Variants in NINJ2 observed in about 807,000 individuals in gnomAD.
NINJ2 encodes ninjurin-2.
NINJ2 carries 12 observed loss-of-function variants against 11.7 expected under a neutral mutation model. The ratio of observed to expected loss-of-function variants is 1.02; its 90% confidence interval spans 0.66 to 1.66. The LOEUF is 1.66. Among genes scored for constraint, NINJ2 ranks in the 40% most tolerant of loss-of-function variants. The probability of loss-of-function intolerance (pLI) is 0.00; values close to 1 mark genes in which losing one functional copy is unlikely to be tolerated. For synonymous variants in NINJ2, 93 were observed against 76.8 expected, an observed-to-expected ratio of 1.21 and a Z score of -1.10; for missense variants, 187 against 181.8, an observed-to-expected ratio of 1.03 and a Z score of -0.16.
At chr12:648,988 A>ATCTGTCTGTCTGTCTG (rs10648707) in intron 1 of NINJ2, among the ~76,000 whole-genome samples, 3 of 149,932 alleles carry the variant, frequency 2.0e-5, no homozygotes, top group Non-Finnish European at 3.0e-5. Context: ...CTATCTATCT[A>ATCTGTCTGTCTGTCTG]TCTATCTGTC....
At chr12:611,540 G>A (rs534895040) in intron 1 of NINJ2, among the ~76,000 whole-genome samples, 35 of 152,338 alleles carry the variant, frequency 2.3e-4, no homozygotes, top group Middle Eastern at 3.4e-3. Flanking sequence ...GTTTCACCAT[G>A]TTGGCCAGGC....
At chr12:608,368 A>T (rs1947966501) in intron 1 of NINJ2, among the ~76,000 whole-genome samples, 1 of 152,228 alleles carries the variant, frequency 6.6e-6, no homozygotes, top group South Asian at 2.1e-4. Context: ...CTTGAATAAT[A>T]GCGAACACTT....
Position 663,426 on chromosome 12 carries a change from G to A in NINJ2, c.-66C>T, listed in dbSNP as rs778050032. 6.2e-7 allele frequency: 1 copy of A among 1,614,092 alleles called. No individual in the cohort carries two copies. The highest frequency in any genetic ancestry group is 1.1e-5 in the South Asian group (1 of 91,070). On this transcript the variant is annotated 5_prime_UTR_variant, in exon 1 of 4. Transcript: ENST00000305108. Reference sequence around the variant, plus strand: ...GAACAGACTGCGTGGGCTCCTCCAGGCTCCGCCGTCTGAGTCTCTGCTGCT... The same window carrying A: ...GAACAGACTGCGTGGGCTCCTCCAGACTCCGCCGTCTGAGTCTCTGCTGCT...
At chr12:575,145 C>T (rs560446530) in intron 1 of NINJ2, among the ~76,000 whole-genome samples, 117 of 152,354 alleles carry the variant, frequency 7.7e-4, no homozygotes, top group Non-Finnish European at 1.4e-3. Context: ...ACCCATTGGG[C>T]AGCCTCTCTC....
At chr12:608,349 A>T (rs1040402698) in intron 1 of NINJ2, among the ~76,000 whole-genome samples, 6 of 152,202 alleles carry the variant, frequency 3.9e-5, no homozygotes, top group Admixed American at 1.3e-4. Context: ...ATAAAAGCCT[A>T]ATGTTACCCT....
intron 1 of NINJ2, among the ~76,000 whole-genome samples, chr12:600,233 C>T (rs575849310): frequency 3.3e-5 from 5 of 152,000 alleles, no homozygotes; most frequent in Non-Finnish European, 5.9e-5. Flanking sequence ...GTCAAGATAA[C>T]GAGGGAAATG....
intron 1 of NINJ2, among the ~76,000 whole-genome samples, chr12:649,544 T>TATATATATATATATATAGTAGC (rs1937756937): frequency 6.8e-6 from 1 of 147,302 alleles, no homozygotes; most frequent in African/African-American, 2.5e-5. Flanking sequence ...TATATATATA[T>TATATATATATATATATAGTAGC]ATATATATAG....
rs73594225 is a variant in NINJ2, at chr12:565,813, C to T, written c.262+137G>A. Reference sequence around the variant, plus strand: ...AAGTTGGTCTTTGGGCCTCTGTTAGCGGAGGGCTCACTGCAGGTCAGCGTG... The same window carrying T: ...AAGTTGGTCTTTGGGCCTCTGTTAGTGGAGGGCTCACTGCAGGTCAGCGTG... On this transcript the variant is annotated intron_variant, in intron 2 of 3. Coordinates refer to ENST00000305108, the MANE Select transcript of NINJ2 (RefSeq NM_016533.6). 3,596 of 788,240 alleles carry T rather than the reference C, an allele frequency of 4.6e-3. 87 individuals carry two copies. In the African/African-American group the frequency reaches 0.051, roughly 11 times the overall value. 48.8% of individuals were successfully genotyped at this position (788,240 alleles called of 1,614,324 possible).
intron 1 of NINJ2, among the ~76,000 whole-genome samples, chr12:575,845 A>AC (rs1947449702): frequency 6.6e-6 from 1 of 151,818 alleles, no homozygotes; most frequent in Non-Finnish European, 1.5e-5. Flanking sequence ...GCTCTTAAAC[A>AC]CCCCCACTGC....
In NINJ2 at chr12:565,439, G is replaced by A. The variant is rs758778132; in HGVS notation, c.263-38C>T. ...GGAGTGGGGGGAAAGGGTCAGAGAC[G>A]GGGCCACAGCACGGAGCTGCCCCCA... On this transcript the variant is annotated intron_variant, in intron 2 of 3. Transcript: ENST00000305108. 20 of 1,602,476 alleles carry A rather than the reference G, an allele frequency of 1.2e-5. No homozygotes were observed. In the East Asian group the frequency reaches 1.8e-4, roughly 14 times the overall value.
At chr12:601,329 G>A (rs201481982) in intron 1 of NINJ2, among the ~76,000 whole-genome samples, 28,572 of 146,068 alleles carry the variant, frequency 0.2, 3,082 homozygotes, top group Middle Eastern at 0.36. Context: ...GGCGGATCAG[G>A]AAGTCAGGAG....
intron 1 of NINJ2, among the ~76,000 whole-genome samples, chr12:656,120 T>G (rs1565650434): frequency 6.6e-6 from 1 of 151,690 alleles, no homozygotes; most frequent in Non-Finnish European, 1.5e-5. Context: ...ATCCCAGCAC[T>G]TCGGGAGGCT....
At chr12:620,754 G>A (rs566633888) in intron 1 of NINJ2, among the ~76,000 whole-genome samples, 37 of 152,040 alleles carry the variant, frequency 2.4e-4, no homozygotes, top group Non-Finnish European at 5.0e-4. Flanking sequence ...CTCAGCCTCC[G>A]GAGTAGCTGG....
intron 1 of NINJ2, among the ~76,000 whole-genome samples, chr12:612,152 G>A (rs1310878042): frequency 7.9e-5 from 12 of 152,216 alleles, no homozygotes; most frequent in Admixed American, 7.9e-4. Context: ...GCTAGAAGGA[G>A]CTTGGGTCCC....
Position 585,271 on chromosome 12 carries a change from C to A in NINJ2, c.34-19093G>T, listed in dbSNP as rs537175356. 6.6e-6 allele frequency among the ~76,000 whole-genome samples: 1 copy of A among 152,200 alleles called. No homozygotes were observed. Among genetic ancestry groups the A allele is most frequent in the Non-Finnish European group, 1.5e-5 (1 of 68,036 alleles). On this transcript the variant is annotated intron_variant, in intron 1 of 3. Transcript: ENST00000305108. The surrounding 1 kb of genome is among the most constrained non-coding windows in gnomAD (Gnocchi z 4.1). ...GCTCTGGGGGCTCTGGGCTTCCCTGCTGCAAGCTCTTAACCCTTAGCGTGA... is the reference window on the plus strand; with the variant it reads ...GCTCTGGGGGCTCTGGGCTTCCCTGATGCAAGCTCTTAACCCTTAGCGTGA...
chr12:566,104 G>T lies in NINJ2; in HGVS notation c.108C>A (p.Ser36Arg), dbSNP rs1245455892. The change falls in exon 2 of 4, where the codon AGC (serine) becomes AGA (arginine). Residue 36 changes from serine (S) to arginine (R), a missense_variant. By Grantham distance (110) the Ser-to-Arg change is moderately radical (BLOSUM62 -1). Coordinates refer to ENST00000305108, the MANE Select transcript of NINJ2 (RefSeq NM_016533.6). ...ACATGAACAGGGCCACGTCCAGCATGCTCTCCGCCACGCTCTTCTTGGTGG... is the reference window on the plus strand; with the variant it reads ...ACATGAACAGGGCCACGTCCAGCATTCTCTCCGCCACGCTCTTCTTGGTGG... ...HYATKKSVAE[S>R]MLDVALFMSN... is the part of the protein sequence containing the mutation. The T allele has an allele frequency of 1.2e-6, 2 of 1,614,190 alleles. No individual in the cohort carries two copies. Among genetic ancestry groups the T allele is most frequent in the South Asian group, 2.2e-5 (2 of 91,074 alleles).
intron 1 of NINJ2, among the ~76,000 whole-genome samples, chr12:656,484 C>T (rs939348345): frequency 1.3e-4 from 20 of 151,908 alleles, no homozygotes; most frequent in African/African-American, 4.3e-4. Context: ...GGCATGGTGG[C>T]TCACACCTGT....
At chr12:590,137 C>T (rs1947699101) in intron 1 of NINJ2, among the ~76,000 whole-genome samples, 1 of 152,168 alleles carries the variant, frequency 6.6e-6, no homozygotes, top group South Asian at 2.1e-4. Context: ...CGGTGTCTTG[C>T]TATATTGCAC....
chr12:564,926 C>T (rs1947271692), intron 3 of NINJ2, among the ~76,000 whole-genome samples: 1 of 152,270 alleles, frequency 6.6e-6, no homozygotes, highest in Non-Finnish European at 1.5e-5. Context: ...TCCCCATCTC[C>T]ACCTTTCCTC....
Sources: allele counts gnomAD v4.1 joint callset (sites outside exome capture counted in the v4.1 genomes callset), GRCh38; gene constraint gnomAD v4.1.1; non-coding constraint Gnocchi (gnomAD v3.1); transcripts MANE v1.5; gene names NCBI Gene and HGNC (gene_info 2026-07-23, HGNC 2026-07-21).